The following PELI2 variants were observed in gnomAD, a reference collection of about 807,000 sequenced individuals.
PELI2 encodes pellino E3 ubiquitin protein ligase family member 2.
A neutral mutation model predicts 42.3 loss-of-function variants in PELI2; 23 were observed. The observed-to-expected ratio is 0.54, with a 90% CI of 0.39 to 0.77. PELI2 has a LOEUF of 0.77. PELI2 is among the 30% of genes least tolerant of loss of function. PELI2 has a pLI of 0.00. For synonymous variants in PELI2, 245 were observed against 212.2 expected (o/e 1.15, Z -1.34); for missense variants, 463 against 553.2 (o/e 0.84, Z 1.64).
intron 1 of PELI2, among the ~76,000 whole-genome samples, chr14:56,124,951 G>C (rs1883196729): frequency 6.6e-6 from 1 of 152,186 alleles, no homozygotes; most frequent in East Asian, 1.9e-4. Context: ...GATATTGGAA[G>C]GGGTTTGGAC....
At chr14:56,165,490 GGACAGACCACATAAT>G (rs985956498) in intron 1 of PELI2, among the ~76,000 whole-genome samples, 69 of 152,182 alleles carry the variant, frequency 4.5e-4, no homozygotes, top group African/African-American at 1.6e-3. Flanking sequence ...ATATGACCTT[GGACAGACCACATAAT>G]GTGGTCTATC....
chr14:56,133,812 C>A (rs532924429), intron 1 of PELI2, among the ~76,000 whole-genome samples: 2 of 152,178 alleles, frequency 1.3e-5, no homozygotes, highest in Non-Finnish European at 2.9e-5. Flanking sequence ...CCTTCAAGCA[C>A]CACGACAGGG....
At chr14:56,193,568 C>G (rs576295808) in intron 2 of PELI2, among the ~76,000 whole-genome samples, 1 of 152,138 alleles carries the variant, frequency 6.6e-6, no homozygotes, top group East Asian at 1.9e-4. Flanking sequence ...TCATACATAC[C>G]AAAATAGACT....
At chr14:56,269,980 C>T (rs1292721925) in intron 2 of PELI2, among the ~76,000 whole-genome samples, 2 of 152,202 alleles carry the variant, frequency 1.3e-5, no homozygotes, top group African/African-American at 2.4e-5. Flanking sequence ...TGTACTTGAG[C>T]GTGACCCCAA....
chr14:56,132,809 T>A (rs976941185), intron 1 of PELI2, among the ~76,000 whole-genome samples: 2 of 152,180 alleles, frequency 1.3e-5, no homozygotes, highest in Admixed American at 6.5e-5. Context: ...GCTTGTGAAA[T>A]TAATTCACCC....
intron 2 of PELI2, among the ~76,000 whole-genome samples, chr14:56,201,456 A>T (rs1886328661): frequency 6.6e-6 from 1 of 152,220 alleles, no homozygotes; most frequent in South Asian, 2.1e-4. Flanking sequence ...AAACAACTGT[A>T]GTAGTGGTAC....
chr14:56,223,912 C>A (rs1887246359), intron 2 of PELI2, among the ~76,000 whole-genome samples: 1 of 152,130 alleles, frequency 6.6e-6, no homozygotes, highest in Non-Finnish European at 1.5e-5. Flanking sequence ...TTTCCCGTAC[C>A]ATCCAGCACC....
Position 56,221,525 on chromosome 14 carries a change from A to G in PELI2, c.207+43061A>G, listed in dbSNP as rs183444976. On this transcript the variant is annotated intron_variant, in intron 2 of 5. Transcript: ENST00000267460. ...GTATTTGCCAGATCCCAAATTGGAA[A>G]TGAGTGTCTTCTCTAAAACTCCTTT... Among the ~76,000 whole-genome samples the G allele has an allele frequency of 3.9e-5, 6 of 152,324 alleles. No individual in the cohort carries two copies. The East Asian group carries it at 1.2e-3, about 29-fold the overall frequency.
chr14:56,200,567 A>G (rs953523085), intron 2 of PELI2, among the ~76,000 whole-genome samples: 5 of 152,246 alleles, frequency 3.3e-5, no homozygotes, highest in Admixed American at 3.3e-4. Context: ...AAATCTCACT[A>G]AAGGGCTGGT....
intron 1 of PELI2, among the ~76,000 whole-genome samples, chr14:56,145,774 G>T (rs1329064463): frequency 6.6e-6 from 1 of 152,110 alleles, no homozygotes; most frequent in East Asian, 1.9e-4. Flanking sequence ...GCTATGAAAG[G>T]GTATATATTC....
At position 56,158,288 on chromosome 14, in the gene PELI2, A is replaced by C. The variant is rs180911387; in HGVS notation, c.78-20047A>C. ...GGTGATTTGCCTGCCTCAGCCTCCC[A>C]AAGTGCTAGGATTACAGGTGTGAGC... On this transcript the variant is annotated intron_variant, in intron 1 of 5. Transcript: ENST00000267460. Among the ~76,000 whole-genome samples, 410 of 152,068 alleles carry C rather than the reference A, an allele frequency of 2.7e-3. 3 individuals carry two copies. The highest frequency in any genetic ancestry group is 8.3e-3 in the African/African-American group (344 of 41,466).
At chr14:56,129,558 G>T (rs957344756) in intron 1 of PELI2, among the ~76,000 whole-genome samples, 1 of 152,216 alleles carries the variant, frequency 6.6e-6, no homozygotes, top group African/African-American at 2.4e-5. Context: ...CCCAAGGGAT[G>T]GGGTCCTGAG....
intron 1 of PELI2, among the ~76,000 whole-genome samples, chr14:56,133,140 A>T (rs1303198422): frequency 1.3e-5 from 2 of 152,086 alleles, no homozygotes. Flanking sequence ...TTGTCCATAT[A>T]CATATTTTCA....
At chr14:56,139,128 C>G (rs1474382319) in intron 1 of PELI2, among the ~76,000 whole-genome samples, 8 of 152,182 alleles carry the variant, frequency 5.3e-5, no homozygotes, top group Admixed American at 2.6e-4. Flanking sequence ...CTCGCACACC[C>G]TAAATGATAG....
At chr14:56,295,480 T>C (rs140397337) in intron 5 of PELI2, among the ~76,000 whole-genome samples, 2 of 152,282 alleles carry the variant, frequency 1.3e-5, no homozygotes, top group East Asian at 3.9e-4. Flanking sequence ...GCCTTCCTGC[T>C]ATCCTCCCTA....
intron 2 of PELI2, among the ~76,000 whole-genome samples, chr14:56,255,515 A>C (rs1481891873): frequency 6.6e-6 from 1 of 152,206 alleles, no homozygotes; most frequent in Non-Finnish European, 1.5e-5. Context: ...GGATGGCATT[A>C]GGAGAAATAC....
intron 2 of PELI2, among the ~76,000 whole-genome samples, chr14:56,245,819 A>G (rs1398424475): frequency 2.0e-5 from 3 of 152,238 alleles, no homozygotes; most frequent in Non-Finnish European, 2.9e-5. Context: ...AGCTATTAAC[A>G]TAGCATTGGC....
At chr14:56,123,953 C>G (rs1883156157) in intron 1 of PELI2, among the ~76,000 whole-genome samples, 1 of 152,068 alleles carries the variant, frequency 6.6e-6, no homozygotes. Flanking sequence ...TGAATGGAGA[C>G]AACAGCAACT....
In PELI2 at chr14:56,288,962, T is replaced by C. The variant is rs1439264867; in HGVS notation, c.507+328T>C. Among the ~76,000 whole-genome samples the C allele has an allele frequency of 6.6e-6, 1 of 152,184 alleles. No homozygotes were observed. The highest frequency in any genetic ancestry group is 1.5e-5 in the Non-Finnish European group (1 of 68,036). The stretch of plus-strand genomic sequence containing the variant: ...AAATAAATGGGCCAAATTTAGATCA[T>C]TAGGGCTTAGAGGAAAATGTTAGTG... On this transcript the variant is annotated intron_variant, in intron 4 of 5. Transcript: ENST00000267460. This position sits in a 1 kb window ranked among gnomAD's most constrained non-coding sequence, Gnocchi z 4.6.
Sources: allele counts gnomAD v4.1 joint callset (sites outside exome capture counted in the v4.1 genomes callset), GRCh38; gene constraint gnomAD v4.1.1; non-coding constraint Gnocchi (gnomAD v3.1); transcripts MANE v1.5; gene names NCBI Gene and HGNC (gene_info 2026-07-23, HGNC 2026-07-21).